TOGARAM1: variants seen among roughly 807,000 people sequenced by gnomAD.
TOGARAM1 encodes the protein TOG array regulator of axonemal microtubules protein 1.
Under a neutral mutation model 166.6 loss-of-function variants are expected in TOGARAM1, and 100 were observed. That is an observed-to-expected ratio of 0.60 (90% CI 0.51 to 0.71). The LOEUF (loss-of-function observed/expected upper bound fraction) is 0.71. Among genes scored for constraint, TOGARAM1 ranks in the 30% least tolerant of loss-of-function variants. The probability of loss-of-function intolerance (pLI) is 0.00; values close to 1 mark genes in which losing one functional copy is unlikely to be tolerated. For synonymous variants in TOGARAM1, 758 were observed against 763.8 expected, an observed-to-expected ratio of 0.99 and a Z score of 0.13; for missense variants, 2,029 against 2,102.7, an observed-to-expected ratio of 0.96 and a Z score of 0.69.
intron 14 of TOGARAM1, among the ~76,000 whole-genome samples, chr14:45,048,370 A>C (rs1351982831): frequency 1.3e-5 from 2 of 151,754 alleles, no homozygotes; most frequent in African/African-American, 4.8e-5. Context: ...AGTCATAAAG[A>C]TTAAAGTAAA....
rs1169186045 is a variant in TOGARAM1, at chr14:44,968,846, CA to C, written c.2046+4380del. ...GACAAATGTATCCATGTCTTGTATCCACCATTATAGTATCATAACAATAGTT... is the reference window on the plus strand; with the variant it reads ...GACAAATGTATCCATGTCTTGTATCCCCATTATAGTATCATAACAATAGTT... On this transcript the variant is annotated intron_variant, in intron 1 of 19. Transcript: ENST00000361462. Among the ~76,000 whole-genome samples, 19 of 152,236 alleles carry C rather than the reference CA, an allele frequency of 1.2e-4. 3 individuals are homozygous for C. The highest frequency in any genetic ancestry group is 3.9e-4 in the African/African-American group (16 of 41,542).
intron 1 of TOGARAM1, among the ~76,000 whole-genome samples, chr14:44,976,859 T>G (rs1393237929): frequency 6.6e-6 from 1 of 152,172 alleles, no homozygotes; most frequent in African/African-American, 2.4e-5. Flanking sequence ...TCAGAAATAG[T>G]TTCGATGTCA....
Position 45,032,320 on chromosome 14 carries a change from C to T in TOGARAM1, c.3756C>T (p.Phe1252=). The T allele has an allele frequency of 6.2e-7, 1 of 1,614,098 alleles. No individual in the cohort carries two copies. Among genetic ancestry groups the T allele is most frequent in the South Asian group, 1.1e-5 (1 of 91,068 alleles). The change falls in exon 11 of 20, where the codon TTC becomes TTT. Residue 1252 remains phenylalanine, a synonymous_variant. Transcript: ENST00000361462. The stretch of plus-strand genomic sequence containing the variant: ...TGGATCTGTCAGAACTACGACCATT[C>T]TCTAAACCAGAAATAGCACTGACAG... The part of the protein sequence containing the change: ...EIMDLSELRP[F]SKPEIALTEA...
chr14:44,996,619 A>G (rs1229575291), intron 2 of TOGARAM1: 2 of 152,210 alleles, frequency 1.3e-5, no homozygotes, highest in Non-Finnish European at 2.9e-5. Context: ...TTTAAAATAG[A>G]TGAAAGTGTA....
chr14:45,012,020 A>G lies in TOGARAM1; in HGVS notation c.3183A>G (p.Arg1061=). ...TTGGGTCAAAACCTTGTCCAACAAGACTTTCTTCTGCAAAGAAAAAAATTT... is the reference window on the plus strand; with the variant it reads ...TTGGGTCAAAACCTTGTCCAACAAGGCTTTCTTCTGCAAAGAAAAAAATTT... ...PTFGSKPCPT[R]LSSAKKKISH... The change falls in exon 7 of 20, where the codon AGA becomes AGG. Residue 1061 remains arginine, a synonymous_variant. Coordinates refer to ENST00000361462, the MANE Select transcript of TOGARAM1 (RefSeq NM_001308120.2). 1.2e-6 allele frequency: 2 copies of G among 1,611,868 alleles called. No homozygotes were observed. The highest frequency in any genetic ancestry group is 1.7e-6 in the Non-Finnish European group (2 of 1,179,120).
At chr14:45,055,111 CT>C (rs1882567655) in intron 16 of TOGARAM1, among the ~76,000 whole-genome samples, 1 of 152,032 alleles carries the variant, frequency 6.6e-6, no homozygotes, top group Non-Finnish European at 1.5e-5. Flanking sequence ...ATTTTGAGGT[CT>C]TAGTCTTGAA....
intron 12 of TOGARAM1, 57 bp downstream of exon 12, chr14:45,043,848 C>A: frequency 1.0e-6 from 1 of 1,003,180 alleles, no homozygotes; most frequent in Non-Finnish European, 1.6e-6. Context: ...GATAAATATG[C>A]TATGTTTATT....
rs148093323 is a variant in TOGARAM1 at position 45,046,447 on chromosome 14, C to T, written c.4155-98C>T. The T allele has an allele frequency of 1.7e-5, 19 of 1,133,880 alleles. No individual in the cohort carries two copies. In the East Asian group the frequency reaches 3.8e-4, roughly 23 times the overall value. The allele number at this position is 1,133,880 out of a possible 1,614,324, so 70.2% of individuals were successfully genotyped here. ...CAAGACCCTGTCCCAAAAAACAAAA[C>T]CAAAATACAAACAAACAAAAACAAC... is the stretch of plus-strand genomic sequence containing the variant. On this transcript the variant is annotated intron_variant, in intron 13 of 19. Transcript: ENST00000361462.
At chr14:45,053,292 C>T (rs1364015518) in intron 15 of TOGARAM1, among the ~76,000 whole-genome samples, 1 of 152,036 alleles carries the variant, frequency 6.6e-6, no homozygotes, top group Non-Finnish European at 1.5e-5. Flanking sequence ...CCGCCTGACT[C>T]GGCCTCCCAA....
At chr14:44,971,237 T>C (rs1255111050) in intron 1 of TOGARAM1, among the ~76,000 whole-genome samples, 1 of 152,212 alleles carries the variant, frequency 6.6e-6, no homozygotes. Context: ...TCTTTACAGA[T>C]ACAGGCCTAG....
At chr14:44,972,089 G>C (rs1885917834) in intron 1 of TOGARAM1, among the ~76,000 whole-genome samples, 1 of 152,056 alleles carries the variant, frequency 6.6e-6, no homozygotes, top group South Asian at 2.1e-4. Context: ...ATGAGAACAG[G>C]AAAGGGGATA....
chr14:45,058,584 T>C (rs1249164953), intron 16 of TOGARAM1, among the ~76,000 whole-genome samples: 1 of 152,148 alleles, frequency 6.6e-6, no homozygotes, highest in Non-Finnish European at 1.5e-5. Context: ...TGAGCCACCA[T>C]GCCCAGCCTA....
intron 5 of TOGARAM1, chr14:45,006,512 T>C (rs549664087): frequency 9.5e-6 from 3 of 316,212 alleles, no homozygotes; most frequent in Non-Finnish European, 1.8e-5. Context: ...TTTCTATGCA[T>C]ACATTATTCC....
chr14:45,049,405 G>A (rs986722803), intron 14 of TOGARAM1, among the ~76,000 whole-genome samples: 4 of 151,982 alleles, frequency 2.6e-5, no homozygotes, highest in Non-Finnish European at 5.9e-5. Context: ...GACTACAAGC[G>A]CCTGCCACCA....
At chr14:45,038,378 C>G (rs1488199332) in intron 11 of TOGARAM1, among the ~76,000 whole-genome samples, 2 of 152,236 alleles carry the variant, frequency 1.3e-5, no homozygotes, top group African/African-American at 2.4e-5. Context: ...CAGCCCAGAT[C>G]CCATGCCTAC....
In TOGARAM1 at chr14:44,963,968, C is replaced by G; in HGVS notation, c.1547C>G (p.Ala516Gly). The G allele has an allele frequency of 4.3e-6, 7 of 1,614,192 alleles. No homozygotes were observed. The highest frequency in any genetic ancestry group is 5.9e-6 in the Non-Finnish European group (7 of 1,180,036). Residue 516 changes from alanine to glycine, a missense_variant, in exon 1 of 20, where the codon GCC becomes GGC. Ala to Gly is a moderately conservative substitution (Grantham distance 60). This residue lies in a region of TOGARAM1 where 1,453 missense variants were observed against 1,432.2 expected (regional missense o/e 1.01). Transcript: ENST00000361462. ...FDLPKLSFDLAPALVDSKRRV... is the reference protein window; with the variant it reads ...FDLPKLSFDLGPALVDSKRRV... The stretch of plus-strand genomic sequence containing the variant: ...TTGCCCAAACTGTCCTTTGATCTTG[C>G]CCCAGCTCTTGTAGATAGCAAACGC...
chr14:45,008,386 C>G (rs1348836910), intron 5 of TOGARAM1, among the ~76,000 whole-genome samples: 1 of 151,938 alleles, frequency 6.6e-6, no homozygotes, highest in East Asian at 1.9e-4. Flanking sequence ...CTGCACGTGT[C>G]CACCACCATG....
At chr14:44,976,033 C>T (rs1032882647) in intron 1 of TOGARAM1, among the ~76,000 whole-genome samples, 1 of 151,882 alleles carries the variant, frequency 6.6e-6, no homozygotes, top group South Asian at 2.1e-4. Flanking sequence ...AAAATGATTC[C>T]TAGATCAACT....
intron 14 of TOGARAM1, among the ~76,000 whole-genome samples, chr14:45,048,614 G>T (rs941330996): frequency 2.0e-5 from 3 of 152,106 alleles, no homozygotes; most frequent in Non-Finnish European, 2.9e-5. Context: ...CACTGCCTAT[G>T]GTTTCAGAAG....
Sources: gnomAD v4.1 joint callset for allele counts (sites outside exome capture counted in the v4.1 genomes callset) on GRCh38, gnomAD v4.1.1 for gene constraint, gnomAD v4.1.1 regional missense constraint, MANE v1.5 for transcripts, NCBI Gene and HGNC (gene_info 2026-07-23, HGNC 2026-07-21) for gene names.